MYO18B: variants seen among roughly 807,000 people sequenced by gnomAD.
MYO18B encodes unconventional myosin-XVIIIb.
A neutral mutation model predicts 273.0 loss-of-function variants in MYO18B; 204 were observed. That is an observed-to-expected ratio of 0.75 (90% CI 0.67 to 0.84). MYO18B has a LOEUF of 0.84. Among genes scored for constraint, MYO18B ranks in the 40% least tolerant of loss-of-function variants. MYO18B has a pLI of 0.00. For missense variants in MYO18B, 3,212 were observed against 3,287.6 expected (o/e 0.98, Z 0.56); for synonymous variants, 1,330 against 1,305.7 (o/e 1.02, Z -0.40).
At chr22:25,887,248 T>C (rs1231051086) in intron 25 of MYO18B, among the ~76,000 whole-genome samples, 3 of 152,134 alleles carry the variant, frequency 2.0e-5, no homozygotes, top group African/African-American at 4.8e-5. Context: ...AGTGCTCACA[T>C]AGTGCTTGTT....
chr22:25,799,049 T>C (rs2088060180), intron 12 of MYO18B, among the ~76,000 whole-genome samples: 1 of 152,072 alleles, frequency 6.6e-6, no homozygotes, highest in Admixed American at 6.6e-5. Context: ...TCATTCACTA[T>C]GTTCCAGAGA....
rs571233845 is a variant in MYO18B, at chr22:25,885,291, A to G, written c.4315-5465A>G. On this transcript the variant is annotated intron_variant, in intron 25 of 43. Coordinates refer to ENST00000335473, the MANE Select transcript of MYO18B (RefSeq NM_032608.7). Reference sequence around the variant, plus strand: ...AGAGAGCTGAAGTGATTTGTCCTACATCACTCAGCTGGTGAATGGCAGAAC... The same window carrying G: ...AGAGAGCTGAAGTGATTTGTCCTACGTCACTCAGCTGGTGAATGGCAGAAC... Among the ~76,000 whole-genome samples, 19 of 152,324 alleles carry G rather than the reference A, an allele frequency of 1.2e-4. No homozygotes were observed. The South Asian group carries it at 3.9e-3, about 32-fold the overall frequency.
chr22:25,961,012 GAA>G lies in MYO18B; in HGVS notation c.6156+5650_6156+5651del, dbSNP rs1203285164. ...AAAGAGAAAGAGAGAGAGAAAGAAA[GAA>G]AGAGGAAAGAAGGGAAAGGAAGGAA... On this transcript the variant is annotated intron_variant, in intron 39 of 43. Transcript: ENST00000335473. Among the ~76,000 whole-genome samples, 4 of 152,110 alleles carry G rather than the reference GAA, an allele frequency of 2.6e-5. No individual in the cohort carries two copies. In the South Asian group the frequency reaches 6.2e-4, roughly 24 times the overall value.
intron 1 of MYO18B, among the ~76,000 whole-genome samples, chr22:25,749,498 A>G (rs2146533082): frequency 6.6e-6 from 1 of 152,300 alleles, no homozygotes; most frequent in South Asian, 2.1e-4. Context: ...GTGGGAACTA[A>G]ATACCTTGAC....
the MYO18B span, among the ~76,000 whole-genome samples, chr22:26,046,421 C>A: frequency 7.2e-5 from 11 of 152,204 alleles, no homozygotes; most frequent in Non-Finnish European, 1.2e-4. Flanking sequence ...GTGAAAGCCT[C>A]AGAAATGTCC....
At chr22:25,894,753 G>T (rs1172031609) in intron 27 of MYO18B, 1 of 157,026 alleles carries the variant, frequency 6.4e-6, no homozygotes, top group African/African-American at 2.4e-5. Context: ...GTATCAACAT[G>T]TAGGGGAATC....
At chr22:25,995,373 A>G (rs1933124343) in intron 40 of MYO18B, among the ~76,000 whole-genome samples, 1 of 152,208 alleles carries the variant, frequency 6.6e-6, no homozygotes, top group African/African-American at 2.4e-5. Flanking sequence ...ATTTCATTGT[A>G]CATTAAAAAA....
At chr22:25,850,577 A>G (rs1315336651) in intron 20 of MYO18B, among the ~76,000 whole-genome samples, 1 of 152,122 alleles carries the variant, frequency 6.6e-6, no homozygotes, top group Non-Finnish European at 1.5e-5. Context: ...GGACTATAAA[A>G]TAATTTTTTT....
chr22:25,814,616 C>A (rs1242818503), intron 12 of MYO18B, among the ~76,000 whole-genome samples: 1 of 152,008 alleles, frequency 6.6e-6, no homozygotes, highest in African/African-American at 2.4e-5. Context: ...TCCTTGATTA[C>A]CAGATACCCT....
At chr22:25,870,905 A>G (rs1328330186) in intron 22 of MYO18B, among the ~76,000 whole-genome samples, 2 of 152,214 alleles carry the variant, frequency 1.3e-5, no homozygotes, top group East Asian at 1.9e-4. Context: ...CTCTTGCAGA[A>G]GAAGAAAGAA....
chr22:25,810,433 A>ATT (rs369429871), intron 12 of MYO18B, among the ~76,000 whole-genome samples: 31 of 96,870 alleles, frequency 3.2e-4, no homozygotes, highest in Admixed American at 4.5e-4. Flanking sequence ...ATAGGCTATA[A>ATT]TTTTTTTTTT....
intron 19 of MYO18B, among the ~76,000 whole-genome samples, chr22:25,846,787 T>C (rs944154028): frequency 6.6e-6 from 1 of 152,132 alleles, no homozygotes; most frequent in African/African-American, 2.4e-5. Flanking sequence ...CACCTTTAAA[T>C]AAACCTTATA....
At chr22:25,824,761 T>A (rs1033374499) in intron 13 of MYO18B, among the ~76,000 whole-genome samples, 3 of 152,038 alleles carry the variant, frequency 2.0e-5, no homozygotes, top group Non-Finnish European at 4.4e-5. Context: ...TTCTTGAAGA[T>A]TACCTCTCCT....
intron 12 of MYO18B, among the ~76,000 whole-genome samples, chr22:25,812,417 T>G (rs5761248): frequency 5.3e-4 from 80 of 152,090 alleles, no homozygotes; most frequent in African/African-American, 1.7e-3. Flanking sequence ...CACCCTGTAA[T>G]GAGGTGCTCC....
intron 39 of MYO18B, among the ~76,000 whole-genome samples, chr22:25,960,041 T>C (rs1383777439): frequency 6.6e-6 from 1 of 152,160 alleles, no homozygotes; most frequent in Non-Finnish European, 1.5e-5. Context: ...TTTAAAGAAC[T>C]GTGAGTTGTT....
chr22:26,055,656 G>A, the MYO18B span, among the ~76,000 whole-genome samples: 1 of 152,092 alleles, frequency 6.6e-6, no homozygotes, highest in African/African-American at 2.4e-5. Flanking sequence ...GAGGCAGGAG[G>A]GACAGGAGTT....
At chr22:25,803,967 A>AACACACACACAC (rs151023852) in intron 12 of MYO18B, among the ~76,000 whole-genome samples, 1,601 of 136,914 alleles carry the variant, frequency 0.012, 28 homozygotes, top group African/African-American at 0.033. Flanking sequence ...TGACCCAGTG[A>AACACACACACAC]ACACACACAC....
intron 33 of MYO18B, among the ~76,000 whole-genome samples, chr22:25,912,084 A>C (rs2092169209): frequency 6.6e-6 from 1 of 152,254 alleles, no homozygotes; most frequent in African/African-American, 2.4e-5. Context: ...ATGTGGGTGC[A>C]CTTCAGGTGA....
intron 25 of MYO18B, among the ~76,000 whole-genome samples, chr22:25,882,874 C>T (rs2091384276): frequency 6.6e-6 from 1 of 152,016 alleles, no homozygotes; most frequent in Admixed American, 6.6e-5. Context: ...GAGGTCATTA[C>T]TCTTTTTTAA....
Sources: allele counts gnomAD v4.1 joint callset (sites outside exome capture counted in the v4.1 genomes callset), GRCh38; gene constraint gnomAD v4.1.1; transcripts MANE v1.5; gene names NCBI Gene and HGNC (gene_info 2026-07-23, HGNC 2026-07-21).